Variants in LRP1 observed in about 807,000 individuals in gnomAD.
The protein encoded by LRP1 is LDL receptor related protein 1.
A neutral mutation model predicts 541.5 loss-of-function variants in LRP1; 51 were observed. The ratio of observed to expected loss-of-function variants is 0.09; its 90% CI spans 0.08 to 0.12. LRP1 has a LOEUF of 0.12. LRP1 is among the 10% of genes least tolerant of loss of function. LRP1 has a pLI of 1.00. For missense variants in LRP1, 3,878 were observed against 6,376.2 expected (o/e 0.61, Z 13.34); for synonymous variants, 2,219 against 2,470.8 (o/e 0.90, Z 3.02).
At position 57,177,735 on chromosome 12, in the gene LRP1, AGGACGGAG is replaced by A; in HGVS notation, c.4361+147_4361+154del. 1 of 954,992 alleles carries A rather than the reference AGGACGGAG, an allele frequency of 1.0e-6. No homozygotes were observed. The highest frequency in any genetic ancestry group is 1.5e-6 in the Non-Finnish European group (1 of 652,050). The allele number at this position is 954,992 out of a possible 1,614,324, so 59.2% of individuals were successfully genotyped here. On this transcript the variant is annotated intron_variant, in intron 26 of 88. Transcript: ENST00000243077. This position sits in a 1 kb window ranked among gnomAD's most constrained non-coding sequence, Gnocchi z 6.8. ...GCAAAGGACTGGGCACAGGAGGAGG[AGGACGGAG>A]GGGCGTGGGGAGGCCAGGGCCGAGG... is the stretch of plus-strand genomic sequence containing the variant.
At chr12:57,191,570 A>G in intron 44 of LRP1, 58 bp downstream of exon 44, 1 of 1,470,912 alleles carries the variant, frequency 6.8e-7, no homozygotes, top group African/African-American at 1.4e-5. Flanking sequence ...TGGACATACA[A>G]ACACACACCC....
chr12:57,204,056 C>T lies in LRP1; in HGVS notation c.10952-354C>T, dbSNP rs2036715063. 9.2e-6 allele frequency: 2 copies of T among 217,634 alleles called. No homozygotes were observed. The highest frequency in any genetic ancestry group is 2.3e-5 in the African/African-American group (1 of 43,796). 13.5% of individuals were successfully genotyped at this position (217,634 alleles called of 1,614,324 possible). A position where few individuals can be genotyped will look rare whatever the true frequency, so the allele number is the denominator to read the frequency against. Reference sequence around the variant, plus strand: ...TAGGCCAGGCACAGGGATGGGAACCCGGTCTTCCATTCCCAGCCCAGTGCT... The same window carrying T: ...TAGGCCAGGCACAGGGATGGGAACCTGGTCTTCCATTCCCAGCCCAGTGCT... On this transcript the variant is annotated intron_variant, in intron 70 of 88. Coordinates refer to ENST00000243077, the MANE Select transcript of LRP1 (RefSeq NM_002332.3). This position sits in a 1 kb window ranked among gnomAD's most constrained non-coding sequence, Gnocchi z 5.3.
rs1358406075 is a variant in LRP1 at position 57,201,375 on chromosome 12, C to T, written c.10346-122C>T. ...GCACCAAAACTGGGGATAAACTGTT[C>T]CTTCCTCCGAAGAAGTTGCTGGCAG... On this transcript the variant is annotated intron_variant, in intron 65 of 88. Coordinates refer to ENST00000243077, the MANE Select transcript of LRP1 (RefSeq NM_002332.3). This position sits in a 1 kb window ranked among gnomAD's most constrained non-coding sequence, Gnocchi z 6.4. The T allele has an allele frequency of 1.1e-5, 16 of 1,452,518 alleles. No homozygotes were observed. Among genetic ancestry groups the T allele is most frequent in the Admixed American group, 1.1e-4 (5 of 46,534 alleles). The allele number at this position is 1,452,518 out of a possible 1,614,324, so 90.0% of individuals were successfully genotyped here.
chr12:57,149,768 G>A, intron 6 of LRP1: 2 of 712,226 alleles, frequency 2.8e-6, no homozygotes, highest in Non-Finnish European at 5.1e-6. Context: ...CTGAAGTCGG[G>A]ACCCAGCAGG....
Position 57,177,682 on chromosome 12 carries a change from A to G in LRP1, c.4361+91A>G. On this transcript the variant is annotated intron_variant, in intron 26 of 88. Coordinates refer to ENST00000243077, the MANE Select transcript of LRP1 (RefSeq NM_002332.3). This position sits in a 1 kb window ranked among gnomAD's most constrained non-coding sequence, Gnocchi z 6.8. Reference sequence around the variant, plus strand: ...TGTGGTGATGAGGGTGATGAGAAGGACCAAGGGATCTAGAACTAGGAACGG... The same window carrying G: ...TGTGGTGATGAGGGTGATGAGAAGGGCCAAGGGATCTAGAACTAGGAACGG... 2 of 1,433,104 alleles carry G rather than the reference A, an allele frequency of 1.4e-6. No homozygotes were observed. Among genetic ancestry groups the G allele is most frequent in the Non-Finnish European group, 1.9e-6 (2 of 1,043,722 alleles). The allele number at this position is 1,433,104 out of a possible 1,614,324, so 88.8% of individuals were successfully genotyped here. A position where few individuals can be genotyped will look rare whatever the true frequency, so the allele number is the denominator to read the frequency against.
intron 68 of LRP1, 116 bp downstream of exon 68, chr12:57,202,653 G>A: frequency 1.3e-6 from 1 of 749,758 alleles, no homozygotes; most frequent in Non-Finnish European, 2.3e-6. Flanking sequence ...GGTGGGGGCA[G>A]GAGCCGCCCT....
At chr12:57,151,989 C>T (rs1339950764) in intron 6 of LRP1, among the ~76,000 whole-genome samples, 2 of 152,094 alleles carry the variant, frequency 1.3e-5, no homozygotes, top group Non-Finnish European at 2.9e-5. Context: ...GCCAACTCCT[C>T]ACCGGCCTGC....
At chr12:57,180,918 C>A (rs1029538282) in intron 33 of LRP1, 111 bp downstream of exon 33, 10 of 1,445,958 alleles carry the variant, frequency 6.9e-6, no homozygotes, top group South Asian at 1.2e-5. Context: ...AGGCTGTACC[C>A]ACCACCCAAA....
Position 57,185,329 on chromosome 12 carries a change from T to C in LRP1, c.6463+124T>C. On this transcript the variant is annotated intron_variant, in intron 40 of 88. Coordinates refer to ENST00000243077, the MANE Select transcript of LRP1 (RefSeq NM_002332.3). The surrounding 1 kb of genome is among the most constrained non-coding windows in gnomAD (Gnocchi z 4.9). ...GTTAGACCCATGGGGCAACTTCCGATGGCCCGAGAGACCCAGGGATGGGGA... is the reference window on the plus strand; with the variant it reads ...GTTAGACCCATGGGGCAACTTCCGACGGCCCGAGAGACCCAGGGATGGGGA... 2 of 1,434,190 alleles carry C rather than the reference T, an allele frequency of 1.4e-6. No individual in the cohort carries two copies. Among genetic ancestry groups the C allele is most frequent in the Non-Finnish European group, 1.9e-6 (2 of 1,055,336 alleles). The allele number at this position is 1,434,190 out of a possible 1,614,324, so 88.8% of individuals were successfully genotyped here.
chr12:57,179,093 G>T lies in LRP1; in HGVS notation c.4738+72G>T. 1.9e-6 allele frequency: 3 copies of T among 1,557,668 alleles called. No homozygotes were observed. The highest frequency in any genetic ancestry group is 2.6e-6 in the Non-Finnish European group (3 of 1,153,844). On this transcript the variant is annotated intron_variant, in intron 28 of 88. Coordinates refer to ENST00000243077, the MANE Select transcript of LRP1 (RefSeq NM_002332.3). The surrounding 1 kb of genome is among the most constrained non-coding windows in gnomAD (Gnocchi z 6.8). The stretch of plus-strand genomic sequence containing the variant: ...GAAGGCCGCAGGCCCCAGGATCCCG[G>T]TTGTCAGCTAAGGCAGAGTCCCAGT...
intron 15 of LRP1, among the ~76,000 whole-genome samples, 158 bp downstream of exon 15, chr12:57,163,141 G>C (rs1446483878): frequency 2.6e-5 from 4 of 152,140 alleles, no homozygotes; most frequent in African/African-American, 9.7e-5. Context: ...GAGAGCAAAG[G>C]CTCTGGGGGC....
chr12:57,131,222 T>C (rs188087674), intron 1 of LRP1, among the ~76,000 whole-genome samples: 97 of 152,282 alleles, frequency 6.4e-4, no homozygotes, highest in African/African-American at 2.3e-3. Flanking sequence ...TCCTAGGGGC[T>C]TTCCCACCTC....
At chr12:57,150,235 A>C (rs1296800885) in intron 6 of LRP1, among the ~76,000 whole-genome samples, 5 of 111,472 alleles carry the variant, frequency 4.5e-5, no homozygotes, top group African/African-American at 7.4e-5. Context: ...TCTGTCGCCC[A>C]GGCTGGAGTG....
At position 57,211,668 on chromosome 12, in the gene LRP1, A is replaced by AGGGGGGGGGGGGGGGGGGGGGG; in HGVS notation, c.13193+81_13194-80insGGGGGGGGGGGGGGGGGGGGGG. Reference sequence around the variant, plus strand: ...TTGAGCAGGAGGACCGTCAGGCCTCAGTGCCCACCCCCCGCCCTGTTTTCC... The same window carrying AGGGGGGGGGGGGGGGGGGGGGG: ...TTGAGCAGGAGGACCGTCAGGCCTCAGGGGGGGGGGGGGGGGGGGGGGGTGCCCACCCCCCGCCCTGTTTTCC... On this transcript the variant is annotated intron_variant, in intron 85 of 88. Transcript: ENST00000243077. This position sits in a 1 kb window ranked among gnomAD's most constrained non-coding sequence, Gnocchi z 4.3. 1 of 1,552,996 alleles carries AGGGGGGGGGGGGGGGGGGGGGG rather than the reference A, an allele frequency of 6.4e-7. No individual in the cohort carries two copies. The highest frequency in any genetic ancestry group is 8.9e-7 in the Non-Finnish European group (1 of 1,126,284).
At position 57,211,681 on chromosome 12, in the gene LRP1, C is replaced by T. The variant is rs558905137; in HGVS notation, c.13194-69C>T. 19 of 1,322,474 alleles carry T rather than the reference C, an allele frequency of 1.4e-5. No individual in the cohort carries two copies. The African/African-American group carries it at 1.6e-4, about 11-fold the overall frequency. 81.9% of individuals were successfully genotyped at this position (1,322,474 alleles called of 1,614,324 possible). Reference sequence around the variant, plus strand: ...CCGTCAGGCCTCAGTGCCCACCCCCCGCCCTGTTTTCCTGGCAGCAGTGGC... The same window carrying T: ...CCGTCAGGCCTCAGTGCCCACCCCCTGCCCTGTTTTCCTGGCAGCAGTGGC... On this transcript the variant is annotated intron_variant, in intron 85 of 88. Coordinates refer to ENST00000243077, the MANE Select transcript of LRP1 (RefSeq NM_002332.3). The surrounding 1 kb of genome is among the most constrained non-coding windows in gnomAD (Gnocchi z 4.3).
chr12:57,210,528 G>GCCCCCCCCCCCCC, intron 82 of LRP1, 48 bp downstream of exon 82: 1 of 1,483,002 alleles, frequency 6.7e-7, no homozygotes, highest in Non-Finnish European at 9.0e-7. Context: ...CTGGGCCCCA[G>GCCCCCCCCCCCCC]CCCCGCCACC....
intron 68 of LRP1, 122 bp from the exon 69 acceptor site, chr12:57,203,059 G>A: frequency 2.7e-6 from 2 of 730,926 alleles, no homozygotes; most frequent in Non-Finnish European, 4.4e-6. Flanking sequence ...TCGGCCTCTG[G>A]GTCAGTCAGC....
chr12:57,167,651 G>C (rs1404346688), intron 19 of LRP1, 127 bp downstream of exon 19: 1 of 740,320 alleles, frequency 1.4e-6, no homozygotes, highest in Admixed American at 2.3e-5. Flanking sequence ...ATCCCTGCTG[G>C]GTTGCCTGGG....
At position 57,167,515 on chromosome 12, in the gene LRP1, T is replaced by C. The variant is rs1348605857; in HGVS notation, c.2986T>C (p.Cys996Arg). The change falls in exon 19 of 89, where the codon TGC becomes CGC. Residue 996 changes from cysteine to arginine, a missense_variant. Around this residue, in one of 13 missense-constraint regions of LRP1, gnomAD observed 320 missense variants for 547.9 expected, o/e 0.58. Transcript: ENST00000243077. Reference protein sequence around the residue: ...NGRCININWRCDNDNDCGDNS... With the variant: ...NGRCININWRRDNDNDCGDNS... ...CAGATGTATCAACATCAACTGGAGA[T>C]GCGACAATGGTAAGAGCTTGCTCTC... 6.2e-7 allele frequency: 1 copy of C among 1,613,848 alleles called. No individual in the cohort carries two copies. Among genetic ancestry groups the C allele is most frequent in the Non-Finnish European group, 8.5e-7 (1 of 1,179,698 alleles).
Sources: allele counts gnomAD v4.1 joint callset (sites outside exome capture counted in the v4.1 genomes callset), GRCh38; gene constraint gnomAD v4.1.1; regional missense constraint gnomAD v4.1.1; non-coding constraint Gnocchi (gnomAD v3.1); transcripts MANE v1.5; gene names NCBI Gene and HGNC (gene_info 2026-07-23, HGNC 2026-07-21).